The following AGTPBP1 variants were observed in gnomAD, a reference collection of about 807,000 sequenced individuals.
AGTPBP1 encodes the protein ATP/GTP binding carboxypeptidase 1, also known as cytosolic carboxypeptidase 1.
A neutral mutation model predicts 143.9 loss-of-function variants in AGTPBP1; 70 were observed. The observed-to-expected ratio is 0.49, with a 90% CI of 0.40 to 0.59. The LOEUF is 0.59. Ranked by LOEUF, AGTPBP1 falls within the 20% of genes least tolerant of loss-of-function variation. The probability of loss-of-function intolerance (pLI) is 0.00; values close to 1 mark genes in which losing one functional copy is unlikely to be tolerated. For missense variants in AGTPBP1, 1,229 were observed against 1,464.5 expected, an observed-to-expected ratio of 0.84 and a Z score of 2.62; for synonymous variants, 463 against 500.2, an observed-to-expected ratio of 0.93 and a Z score of 0.99.
chr9:85,591,117 G>A (rs1828931590), intron 19 of AGTPBP1, among the ~76,000 whole-genome samples: 2 of 149,792 alleles, frequency 1.3e-5, no homozygotes, highest in Admixed American at 1.3e-4. Context: ...ACTTTAAAGA[G>A]TAATATATTT....
chr9:85,673,417 T>C (rs569433864), intron 6 of AGTPBP1, among the ~76,000 whole-genome samples: 3 of 152,166 alleles, frequency 2.0e-5, no homozygotes, highest in Non-Finnish European at 4.4e-5. Flanking sequence ...ATGAACCATA[T>C]TCTTTTCTGA....
chr9:85,781,098 C>A, the AGTPBP1 span: 6 of 1,377,404 alleles, frequency 4.4e-6, no homozygotes, highest in Non-Finnish European at 5.6e-6. Flanking sequence ...CTAGCCTGGG[C>A]GACAGTGCAA....
intron 1 of AGTPBP1, among the ~76,000 whole-genome samples, chr9:85,715,056 A>C (rs1286322933): frequency 6.6e-6 from 1 of 152,110 alleles, no homozygotes; most frequent in East Asian, 1.9e-4. Context: ...GGACCAGCCT[A>C]GTAAACATGG....
At chr9:85,603,303 G>C (rs957620390) in intron 17 of AGTPBP1, among the ~76,000 whole-genome samples, 1 of 152,192 alleles carries the variant, frequency 6.6e-6, no homozygotes, top group African/African-American at 2.4e-5. Context: ...TCTTTGTCTT[G>C]TAACTTGGAT....
At chr9:85,700,096 T>C (rs1430773400) in intron 2 of AGTPBP1, among the ~76,000 whole-genome samples, 2 of 152,176 alleles carry the variant, frequency 1.3e-5, no homozygotes, top group African/African-American at 4.8e-5. Flanking sequence ...AAACAGCACT[T>C]TATACTCATG....
At position 85,573,637 on chromosome 9, in the gene AGTPBP1, G is replaced by A. The variant is rs561463610; in HGVS notation, c.3503+1678C>T. Among the ~76,000 whole-genome samples the A allele has an allele frequency of 5.8e-4, 87 of 151,150 alleles. 1 individual carries two copies. In the East Asian group the frequency reaches 0.013, roughly 23 times the overall value. On this transcript the variant is annotated intron_variant, in intron 25 of 25. Coordinates refer to ENST00000357081, the MANE Select transcript of AGTPBP1 (RefSeq NM_001330701.2). ...AAGTGAGGAGCGTCTCTGCCCGCCC[G>A]CCATCCCATCTAGGAAGTGAGGAGA...
At chr9:85,794,904 T>C in the AGTPBP1 span, among the ~76,000 whole-genome samples, 1 of 152,208 alleles carries the variant, frequency 6.6e-6, no homozygotes, top group South Asian at 2.1e-4. Flanking sequence ...GGAATTGTGT[T>C]CTTAATTTCA....
At chr9:85,722,250 T>C (rs1838177043) in intron 1 of AGTPBP1, among the ~76,000 whole-genome samples, 2 of 152,236 alleles carry the variant, frequency 1.3e-5, no homozygotes, top group South Asian at 2.1e-4. Flanking sequence ...TCCTGGATAA[T>C]ATCCTGAAGA....
At chr9:85,621,957 C>T (rs180908711) in intron 14 of AGTPBP1, among the ~76,000 whole-genome samples, 74 of 152,270 alleles carry the variant, frequency 4.9e-4, no homozygotes, top group African/African-American at 1.7e-3. Context: ...ATCTTTACCC[C>T]ATCAATATTT....
the AGTPBP1 span, among the ~76,000 whole-genome samples, chr9:85,753,799 TA>T: frequency 6.6e-6 from 1 of 150,976 alleles, no homozygotes; most frequent in African/African-American, 2.4e-5. Flanking sequence ...GATAGATAGA[TA>T]GATAGATGTA....
chr9:85,598,716 TTTA>T (rs1829455482), intron 17 of AGTPBP1, among the ~76,000 whole-genome samples: 1 of 152,140 alleles, frequency 6.6e-6, no homozygotes, highest in African/African-American at 2.4e-5. Flanking sequence ...GACATTATTA[TTTA>T]TTATTATTAT....
rs183411359 is a variant in AGTPBP1 at position 85,619,612 on chromosome 9, C to T, written c.2100-311G>A. 2.4e-3 allele frequency among the ~76,000 whole-genome samples: 368 copies of T among 152,232 alleles called. 2 individuals carry two copies. Among genetic ancestry groups the T allele is most frequent in the Non-Finnish European group, 4.0e-3 (272 of 68,008 alleles). ...AAGAACATTTTTAAAACGGCTATGACCTGTACTGAGCAGCAATAATTCTCA... is the reference window on the plus strand; with the variant it reads ...AAGAACATTTTTAAAACGGCTATGATCTGTACTGAGCAGCAATAATTCTCA... On this transcript the variant is annotated intron_variant, in intron 15 of 25. Transcript: ENST00000357081.
At chr9:85,712,393 CATATT>C (rs1297451306) in intron 2 of AGTPBP1, 104 bp downstream of exon 2, 3 of 504,300 alleles carry the variant, frequency 5.9e-6, no homozygotes, top group Middle Eastern at 5.3e-4. Context: ...ATAAATATAA[CATATT>C]ATACTTAAAC....
chr9:85,660,400 A>G (rs1452854019), intron 9 of AGTPBP1, among the ~76,000 whole-genome samples: 1 of 152,208 alleles, frequency 6.6e-6, no homozygotes, highest in Non-Finnish European at 1.5e-5. Context: ...AAAGCATAAG[A>G]CATATCTACT....
chr9:85,648,177 G>C (rs1200806256), intron 11 of AGTPBP1, among the ~76,000 whole-genome samples: 4 of 152,124 alleles, frequency 2.6e-5, no homozygotes, highest in Non-Finnish European at 5.9e-5. Flanking sequence ...CTATAAAATG[G>C]AGATATCTAC....
At chr9:85,771,739 G>A in the AGTPBP1 span, among the ~76,000 whole-genome samples, 9,743 of 149,492 alleles carry the variant, frequency 0.065, 402 homozygotes, top group Non-Finnish European at 0.095. Flanking sequence ...TGCAAGCTCT[G>A]CCCCAAGGTT....
chr9:85,693,363 G>A (rs1298410379), intron 2 of AGTPBP1, among the ~76,000 whole-genome samples: 3 of 152,204 alleles, frequency 2.0e-5, no homozygotes, highest in Non-Finnish European at 4.4e-5. Context: ...CACTTTGGGA[G>A]GCCAAGACTG....
chr9:85,646,208 G>T, intron 12 of AGTPBP1, 113 bp downstream of exon 12: 1 of 688,612 alleles, frequency 1.5e-6, no homozygotes, highest in Non-Finnish European at 2.5e-6. Context: ...ATGGTAAAAA[G>T]ATGTGGACAA....
chr9:85,614,477 A>G (rs1318339514), intron 17 of AGTPBP1, among the ~76,000 whole-genome samples: 1 of 152,108 alleles, frequency 6.6e-6, no homozygotes, highest in Non-Finnish European at 1.5e-5. Flanking sequence ...AAAAAACTTG[A>G]ATCAACAAAA....
Sources: gnomAD v4.1 joint callset for allele counts (sites outside exome capture counted in the v4.1 genomes callset) on GRCh38, gnomAD v4.1.1 for gene constraint, MANE v1.5 for transcripts, NCBI Gene and HGNC (gene_info 2026-07-23, HGNC 2026-07-21) for gene names.